USH2A: variants seen among roughly 807,000 people sequenced by gnomAD.
The protein encoded by USH2A is Usher syndrome 2A (autosomal recessive, mild).
A neutral mutation model predicts 538.9 loss-of-function variants in USH2A; 443 were observed. That is an observed-to-expected ratio of 0.82 (90% CI 0.76 to 0.89). The LOEUF (loss-of-function observed/expected upper bound fraction) is 0.89. Ranked by LOEUF, USH2A falls within the 40% of genes least tolerant of loss-of-function variation. The pLI, the probability that USH2A is intolerant of heterozygous loss-of-function variation, is 0.00. For synonymous variants in USH2A, 2,413 were observed against 2,273.5 expected (o/e 1.06, Z -1.75); for missense variants, 6,633 against 6,324.8 (o/e 1.05, Z -1.65).
rs536490870 is a variant in USH2A at position 216,237,824 on chromosome 1, T to A, written c.2810-5688A>T. Reference sequence around the variant, plus strand: ...TCTTATCAGTGTCTTTTACTTTTTTTTGTTTTCCAGATGTACCTAAGATTG... The same window carrying A: ...TCTTATCAGTGTCTTTTACTTTTTTATGTTTTCCAGATGTACCTAAGATTG... On this transcript the variant is annotated intron_variant, in intron 13 of 71. Coordinates refer to ENST00000307340, the MANE Select transcript of USH2A (RefSeq NM_206933.4). 5.9e-5 allele frequency among the ~76,000 whole-genome samples: 9 copies of A among 152,330 alleles called. No homozygotes were observed. The South Asian group carries it at 1.9e-3, about 32-fold the overall frequency.
intron 60 of USH2A, among the ~76,000 whole-genome samples, chr1:215,738,077 T>G (rs1660205199): frequency 6.6e-6 from 1 of 152,096 alleles, no homozygotes; most frequent in Non-Finnish European, 1.5e-5. Flanking sequence ...CTATTAAAAT[T>G]AAAGCACCTA....
chr1:216,321,834 C>G (rs1356678012), intron 9 of USH2A, 49 bp downstream of exon 9: 14 of 1,476,332 alleles, frequency 9.5e-6, no homozygotes, highest in Non-Finnish European at 1.2e-5. Flanking sequence ...TTATAGTCAC[C>G]ATCTCTACTA....
chr1:216,229,390 A>C (rs2035631087), intron 14 of USH2A, among the ~76,000 whole-genome samples: 1 of 150,776 alleles, frequency 6.6e-6, no homozygotes, highest in African/African-American at 2.4e-5. Flanking sequence ...ATCTTGACTC[A>C]CTGCAGCCTC....
intron 3 of USH2A, among the ~76,000 whole-genome samples, chr1:216,375,323 G>A (rs1033198855): frequency 6.6e-6 from 1 of 152,166 alleles, no homozygotes; most frequent in African/African-American, 2.4e-5. Flanking sequence ...GTTGTTTAGT[G>A]TAGCCACCTT....
chr1:216,344,832 T>C (rs2038142809), intron 4 of USH2A, among the ~76,000 whole-genome samples: 1 of 151,320 alleles, frequency 6.6e-6, no homozygotes, highest in Non-Finnish European at 1.5e-5. Flanking sequence ...TTTAGGGGGT[T>C]TCAGGCCCCT....
chr1:216,009,050 C>A (rs1301488853), intron 32 of USH2A, among the ~76,000 whole-genome samples: 1 of 152,016 alleles, frequency 6.6e-6, no homozygotes, highest in Non-Finnish European at 1.5e-5. Flanking sequence ...TATCTCTGTG[C>A]CCCAATACCT....
chr1:215,649,892 G>C (rs1656996649), intron 65 of USH2A, among the ~76,000 whole-genome samples: 1 of 152,148 alleles, frequency 6.6e-6, no homozygotes, highest in African/African-American at 2.4e-5. Flanking sequence ...CTGGCTGCTG[G>C]TATCTTCATT....
intron 40 of USH2A, among the ~76,000 whole-genome samples, chr1:215,894,481 G>C (rs1483097633): frequency 6.6e-6 from 1 of 151,962 alleles, no homozygotes; most frequent in Non-Finnish European, 1.5e-5. Flanking sequence ...TTCCTCTTCT[G>C]TTACACGGTC....
intron 64 of USH2A, among the ~76,000 whole-genome samples, chr1:215,653,077 G>T (rs1657131518): frequency 6.6e-6 from 1 of 152,164 alleles, no homozygotes; most frequent in South Asian, 2.1e-4. Context: ...TCTGGCTTAT[G>T]AACATTAACT....
intron 9 of USH2A, among the ~76,000 whole-genome samples, chr1:216,312,059 G>T (rs2037430707): frequency 1.3e-5 from 2 of 151,806 alleles, no homozygotes; most frequent in South Asian, 4.2e-4. Context: ...TCTCTCTGAA[G>T]TTCTTCCTTT....
rs181188505 is a variant in USH2A, at chr1:216,387,543, A to G, written c.652-22458T>C. 1.7e-3 allele frequency among the ~76,000 whole-genome samples: 257 copies of G among 152,300 alleles called. 1 individual carries two copies. The highest frequency in any genetic ancestry group is 5.7e-3 in the African/African-American group (238 of 41,568). On this transcript the variant is annotated intron_variant, in intron 3 of 71. Coordinates refer to ENST00000307340, the MANE Select transcript of USH2A (RefSeq NM_206933.4). ...GCTGAACGTTTTGTAATTATTAGCC[A>G]TGAAAATTTGGGATATAGACTTTGC...
At chr1:215,689,439 G>A (rs1658530539) in intron 61 of USH2A, among the ~76,000 whole-genome samples, 1 of 152,140 alleles carries the variant, frequency 6.6e-6, no homozygotes, top group Non-Finnish European at 1.5e-5. Flanking sequence ...TCCTTCTGTG[G>A]GAGACACACC....
At chr1:215,923,249 CAACAAACAAACA>C (rs555793438) in intron 38 of USH2A, among the ~76,000 whole-genome samples, 1 of 151,844 alleles carries the variant, frequency 6.6e-6, no homozygotes, top group African/African-American at 2.4e-5. Context: ...TTCCTGTAAT[CAACAAACAAACA>C]AACAAACAAA....
intron 3 of USH2A, among the ~76,000 whole-genome samples, chr1:216,411,196 T>G (rs1272309200): frequency 6.6e-6 from 1 of 152,136 alleles, no homozygotes; most frequent in African/African-American, 2.4e-5. Context: ...TCTAACCACT[T>G]TGGTTTTTTA....
At chr1:215,971,466 T>C (rs1227842559) in intron 35 of USH2A, among the ~76,000 whole-genome samples, 1 of 151,900 alleles carries the variant, frequency 6.6e-6, no homozygotes, top group African/African-American at 2.4e-5. Flanking sequence ...AGTAAAAAAT[T>C]CCAAATAAGC....
At chr1:215,812,968 C>T (rs1023355569) in intron 49 of USH2A, among the ~76,000 whole-genome samples, 4 of 152,130 alleles carry the variant, frequency 2.6e-5, no homozygotes, top group Admixed American at 6.5e-5. Context: ...TGTTATTGAT[C>T]CTCTCTAAAA....
intron 12 of USH2A, among the ~76,000 whole-genome samples, chr1:216,249,175 GTAC>G (rs1363471311): frequency 6.6e-6 from 1 of 151,764 alleles, no homozygotes; most frequent in Non-Finnish European, 1.5e-5. Flanking sequence ...TTTATAAAAA[GTAC>G]TACATTTGCA....
chr1:215,916,857 C>T (rs1665967374), intron 38 of USH2A, among the ~76,000 whole-genome samples: 1 of 152,196 alleles, frequency 6.6e-6, no homozygotes, highest in Non-Finnish European at 1.5e-5. Flanking sequence ...TACACCTCCA[C>T]CTCCACCTCT....
chr1:215,866,931 G>T, intron 44 of USH2A, 76 bp downstream of exon 44: 1 of 1,590,372 alleles, frequency 6.3e-7, no homozygotes, highest in Non-Finnish European at 8.6e-7. Flanking sequence ...TGTACATGGG[G>T]GAGGTTCATA....
Sources: allele counts gnomAD v4.1 joint callset (sites outside exome capture counted in the v4.1 genomes callset), GRCh38; gene constraint gnomAD v4.1.1; transcripts MANE v1.5; gene names NCBI Gene and HGNC (gene_info 2026-07-23, HGNC 2026-07-21).